PLAGL1: variants seen among roughly 807,000 people sequenced by gnomAD.
The protein encoded by PLAGL1 is zinc finger protein PLAGL1.
In PLAGL1, 1 loss-of-function variant was observed where a neutral mutation model predicts 4.6. The ratio of observed to expected loss-of-function variants is 0.22; its 90% confidence interval spans 0.08 to 1.03. The LOEUF (loss-of-function observed/expected upper bound fraction) is 1.03, where lower values mean the gene tolerates loss of function less well. PLAGL1 is among the 50% of genes least tolerant of loss of function. The pLI is 0.58. For missense variants in PLAGL1, 464 were observed against 570.4 expected, an observed-to-expected ratio of 0.81 and a Z score of 1.90; for synonymous variants, 240 against 237.8, an observed-to-expected ratio of 1.01 and a Z score of -0.08.
chr6:144,023,768 C>CTTTTTT (rs34002736), intron 1 of PLAGL1, among the ~76,000 whole-genome samples: 851 of 72,650 alleles, frequency 0.012, 52 homozygotes, highest in African/African-American at 0.045. Context: ...TCATATTTAG[C>CTTTTTT]TTTTTTTTTT....
chr6:143,953,402 G>A lies in PLAGL1; in HGVS notation c.-324-4942C>T, dbSNP rs1325059779. Among the ~76,000 whole-genome samples, 7 of 152,178 alleles carry A rather than the reference G, an allele frequency of 4.6e-5. No homozygotes were observed. The highest frequency in any genetic ancestry group is 1.4e-4 in the African/African-American group (6 of 41,446). ...AAGCTCTTACTTTCTAAGAAATGAGGCTTAAGATAAACAAGAAAGACAAAG... is the reference window on the plus strand; with the variant it reads ...AAGCTCTTACTTTCTAAGAAATGAGACTTAAGATAAACAAGAAAGACAAAG... On this transcript the variant is annotated intron_variant, in intron 6 of 7. Coordinates refer to ENST00000674357, the MANE Select transcript of PLAGL1 (RefSeq NM_001317162.2). The surrounding 1 kb of genome is among the most constrained non-coding windows in gnomAD (Gnocchi z 5.3).
Position 143,968,785 on chromosome 6 carries a change from T to C in PLAGL1, c.-472+122A>G, listed in dbSNP as rs569534376. The C allele has an allele frequency of 1.4e-4, 22 of 152,166 alleles. No homozygotes were observed. Among genetic ancestry groups the C allele is most frequent in the African/African-American group, 4.8e-4 (20 of 41,502 alleles). 9.4% of individuals were successfully genotyped at this position (152,166 alleles called of 1,614,324 possible). ...TTCTGGGACATAAGCCCCTCTACCA[T>C]GGAGGAGGCGAAGGCTCTGGTTTGT... On this transcript the variant is annotated intron_variant, in intron 3 of 7. Coordinates refer to ENST00000674357, the MANE Select transcript of PLAGL1 (RefSeq NM_001317162.2). This position sits in a 1 kb window ranked among gnomAD's most constrained non-coding sequence, Gnocchi z 6.3.
intron 1 of PLAGL1, among the ~76,000 whole-genome samples, chr6:144,020,786 T>A (rs1049915314): frequency 1.4e-5 from 2 of 146,282 alleles, no homozygotes; most frequent in South Asian, 2.1e-4. Context: ...TCTATATATA[T>A]AAAACAAACA....
chr6:143,946,333 C>T (rs1247691964), intron 7 of PLAGL1, among the ~76,000 whole-genome samples: 4 of 152,200 alleles, frequency 2.6e-5, no homozygotes, highest in Non-Finnish European at 5.9e-5. Context: ...CAGTCTTTAT[C>T]TGCAGTTTTA....
At position 143,959,640 on chromosome 6, in the gene PLAGL1, C is replaced by T. The variant is rs1403144556; in HGVS notation, c.-325+829G>A. On this transcript the variant is annotated intron_variant, in intron 6 of 7. Transcript: ENST00000674357. The surrounding 1 kb of genome is among the most constrained non-coding windows in gnomAD (Gnocchi z 5.3). ...TATTCCAATAATTTCCATCTCATAG[C>T]CCTAAGAGATAGGTAGAAGGGCATC... Among the ~76,000 whole-genome samples the T allele has an allele frequency of 2.6e-5, 4 of 152,146 alleles. No individual in the cohort carries two copies. Among genetic ancestry groups the T allele is most frequent in the African/African-American group, 7.2e-5 (3 of 41,420 alleles).
chr6:144,040,928 AG>A (rs1351863341), intron 1 of PLAGL1, among the ~76,000 whole-genome samples: 2 of 152,186 alleles, frequency 1.3e-5, no homozygotes, highest in Non-Finnish European at 2.9e-5. Flanking sequence ...GAGATGAAGA[AG>A]TAAAGATAGC....
rs1789005389 is a variant in PLAGL1, at chr6:143,985,982, T to TTATATATATATCAAATTATATA, written c.-583-809_-583-808insTATATAATTTGATATATATATA. ...TATATCAAATTATATATATATAAAA[T>TTATATATATATCAAATTATATA]TATATATATATATATATATATATAT... is the stretch of plus-strand genomic sequence containing the variant. On this transcript the variant is annotated intron_variant, in intron 1 of 7. Coordinates refer to ENST00000674357, the MANE Select transcript of PLAGL1 (RefSeq NM_001317162.2). This position sits in a 1 kb window ranked among gnomAD's most constrained non-coding sequence, Gnocchi z 4.4. Among the ~76,000 whole-genome samples, 1 of 111,576 alleles carries TTATATATATATCAAATTATATA rather than the reference T, an allele frequency of 9.0e-6. No homozygotes were observed. Among genetic ancestry groups the TTATATATATATCAAATTATATA allele is most frequent in the South Asian group, 3.0e-4 (1 of 3,334 alleles). The allele number at this position is 111,576 out of a possible 152,430, so 73.2% of individuals were successfully genotyped here.
intron 1 of PLAGL1, among the ~76,000 whole-genome samples, chr6:144,023,466 G>A (rs1228384221): frequency 6.6e-6 from 1 of 152,110 alleles, no homozygotes; most frequent in Non-Finnish European, 1.5e-5. Flanking sequence ...TCATTGAAGG[G>A]GGGCTGGGGA....
chr6:143,952,218 A>G lies in PLAGL1; in HGVS notation c.-324-3758T>C, dbSNP rs1294276746. Reference sequence around the variant, plus strand: ...GAGTCCAATCTTTGGTTGAAACCCAATGCACTTTCTGGCCACATCCTTAAA... The same window carrying G: ...GAGTCCAATCTTTGGTTGAAACCCAGTGCACTTTCTGGCCACATCCTTAAA... On this transcript the variant is annotated intron_variant, in intron 6 of 7. Coordinates refer to ENST00000674357, the MANE Select transcript of PLAGL1 (RefSeq NM_001317162.2). This position sits in a 1 kb window ranked among gnomAD's most constrained non-coding sequence, Gnocchi z 6.1. Among the ~76,000 whole-genome samples the G allele has an allele frequency of 6.6e-6, 1 of 152,206 alleles. No individual in the cohort carries two copies. The highest frequency in any genetic ancestry group is 1.5e-5 in the Non-Finnish European group (1 of 68,030).
chr6:144,040,314 A>G (rs1797625324), intron 1 of PLAGL1, among the ~76,000 whole-genome samples: 1 of 151,542 alleles, frequency 6.6e-6, no homozygotes, highest in Non-Finnish European at 1.5e-5. Flanking sequence ...GGATCGCTTA[A>G]ACCCGGGAGT....
chr6:144,005,933 T>C lies in PLAGL1; in HGVS notation c.-584+2157A>G, dbSNP rs1794076962. The C allele has an allele frequency of 6.6e-6, 1 of 152,142 alleles. No homozygotes were observed. The highest frequency in any genetic ancestry group is 2.4e-5 in the African/African-American group (1 of 41,450). The allele number at this position is 152,142 out of a possible 1,614,324, so 9.4% of individuals were successfully genotyped here. The stretch of plus-strand genomic sequence containing the variant: ...AGTCTGTAAAGTTCTGTGATTTTTA[T>C]ATACTTTTTAGTATTTCGTTTTTCA... On this transcript the variant is annotated intron_variant, in intron 1 of 7. Transcript: ENST00000674357. This position sits in a 1 kb window ranked among gnomAD's most constrained non-coding sequence, Gnocchi z 4.6.
intron 1 of PLAGL1, among the ~76,000 whole-genome samples, chr6:144,038,878 A>T (rs1797490476): frequency 6.6e-6 from 1 of 152,244 alleles, no homozygotes; most frequent in Non-Finnish European, 1.5e-5. Context: ...AAACTTGATT[A>T]TAGTGGAAAA....
chr6:144,060,586 T>C (rs1333451927), intron 1 of PLAGL1, among the ~76,000 whole-genome samples: 3 of 152,238 alleles, frequency 2.0e-5, no homozygotes, highest in Non-Finnish European at 2.9e-5. Flanking sequence ...TGGTGATCTA[T>C]GGAGATTAAA....
chr6:143,942,041 C>T lies in PLAGL1; in HGVS notation c.775G>A (p.Glu259Lys), dbSNP rs746160419. 16 of 1,606,842 alleles carry T rather than the reference C, an allele frequency of 1.0e-5. No homozygotes were observed. Among genetic ancestry groups the T allele is most frequent in the East Asian group, 4.5e-5 (2 of 44,848 alleles). ...QNGLASSLPA[E>K]VHSLTLSPPE... ...GGACTGAGGGTGAGGCTATGGACCT[C>T]AGCTGGCAAGCTACTTGCAAGCCCG... Residue 259 changes from glutamate (E) to lysine (K), a missense_variant, in exon 8 of 8, where the codon GAG becomes AAG. Physicochemically the swap from Glu to Lys is moderately conservative, Grantham distance 56. Coordinates refer to ENST00000674357, the MANE Select transcript of PLAGL1 (RefSeq NM_001317162.2). The surrounding 1 kb of genome is among the most constrained non-coding windows in gnomAD (Gnocchi z 7.6).
At position 143,995,437 on chromosome 6, in the gene PLAGL1, A is replaced by G. The variant is rs368471537; in HGVS notation, c.-583-10263T>C. On this transcript the variant is annotated intron_variant, in intron 1 of 7. Coordinates refer to ENST00000674357, the MANE Select transcript of PLAGL1 (RefSeq NM_001317162.2). This position sits in a 1 kb window ranked among gnomAD's most constrained non-coding sequence, Gnocchi z 4.4. ...GATAAATGTTAAACTAATTTGAGGA[A>G]TAAGTTAAGCCAAGGAAACATGATT... Among the ~76,000 whole-genome samples the G allele has an allele frequency of 6.6e-5, 10 of 152,288 alleles. No individual in the cohort carries two copies. The South Asian group carries it at 1.0e-3, about 16-fold the overall frequency.
intron 6 of PLAGL1, among the ~76,000 whole-genome samples, chr6:143,951,779 A>G (rs890295222): frequency 6.6e-6 from 1 of 152,218 alleles, no homozygotes; most frequent in Admixed American, 6.5e-5. Context: ...TCTCGTTTTT[A>G]TGCTTATTTC....
At chr6:144,051,386 T>C (rs1418196839) in intron 1 of PLAGL1, among the ~76,000 whole-genome samples, 1 of 152,190 alleles carries the variant, frequency 6.6e-6, no homozygotes, top group East Asian at 1.9e-4. Context: ...TTGCTTTGAA[T>C]CCTTTTGGTA....
rs1042763585 is a variant in PLAGL1, at chr6:143,994,989, T to A, written c.-583-9815A>T. Among the ~76,000 whole-genome samples, 2 of 152,096 alleles carry A rather than the reference T, an allele frequency of 1.3e-5. No individual in the cohort carries two copies. Among genetic ancestry groups the A allele is most frequent in the Non-Finnish European group, 2.9e-5 (2 of 67,980 alleles). ...TCTAATGGGAACAATTAAGAGACAA[T>A]AAGATAGAACCATCACAAAGAGCAG... On this transcript the variant is annotated intron_variant, in intron 1 of 7. Coordinates refer to ENST00000674357, the MANE Select transcript of PLAGL1 (RefSeq NM_001317162.2). This position sits in a 1 kb window ranked among gnomAD's most constrained non-coding sequence, Gnocchi z 4.3.
intron 1 of PLAGL1, among the ~76,000 whole-genome samples, chr6:144,043,081 C>T (rs1429539008): frequency 2.0e-5 from 3 of 152,294 alleles, no homozygotes; most frequent in African/African-American, 7.2e-5. Flanking sequence ...GGGGCTGAGA[C>T]AATGGGGTTT....
Sources: gnomAD v4.1 joint callset for allele counts (sites outside exome capture counted in the v4.1 genomes callset) on GRCh38, gnomAD v4.1.1 for gene constraint, Gnocchi (gnomAD v3.1) non-coding constraint, MANE v1.5 for transcripts, NCBI Gene and HGNC (gene_info 2026-07-23, HGNC 2026-07-21) for gene names.